PPARGC1A: variants seen among roughly 807,000 people sequenced by gnomAD.
The protein encoded by PPARGC1A is PPARG coactivator 1 alpha, also known as peroxisome proliferator-activated receptor gamma coactivator 1-alpha.
In PPARGC1A, 25 loss-of-function variants were observed where a neutral mutation model predicts 88.7. The ratio of observed to expected loss-of-function variants is 0.28; its 90% confidence interval spans 0.21 to 0.39. The LOEUF (loss-of-function observed/expected upper bound fraction) is 0.39. Among genes scored for constraint, PPARGC1A ranks in the 10% least tolerant of loss-of-function variants. The probability of loss-of-function intolerance (pLI) is 1.00; values close to 1 mark genes in which losing one functional copy is unlikely to be tolerated. For synonymous variants in PPARGC1A, 363 were observed against 355.6 expected, an observed-to-expected ratio of 1.02 and a Z score of -0.24; for missense variants, 880 against 968.7, an observed-to-expected ratio of 0.91 and a Z score of 1.22.
chr4:24,097,933 G>A, the PPARGC1A span, among the ~76,000 whole-genome samples: 1 of 152,136 alleles, frequency 6.6e-6, no homozygotes, highest in Non-Finnish European at 1.5e-5. Context: ...GTACTGACTT[G>A]TAGGCTTACC....
At chr4:24,070,712 C>A in the PPARGC1A span, among the ~76,000 whole-genome samples, 3 of 152,132 alleles carry the variant, frequency 2.0e-5, no homozygotes, top group Admixed American at 6.6e-5. Context: ...CAGCAGCCTA[C>A]CTATTTTTGC....
At chr4:24,082,116 G>A in the PPARGC1A span, among the ~76,000 whole-genome samples, 2 of 152,172 alleles carry the variant, frequency 1.3e-5, no homozygotes, top group Non-Finnish European at 2.9e-5. Context: ...GTCATCGGCA[G>A]TAATGGAGTT....
chr4:23,960,697 T>C, the PPARGC1A span, among the ~76,000 whole-genome samples: 1 of 152,222 alleles, frequency 6.6e-6, no homozygotes, highest in Non-Finnish European at 1.5e-5. Context: ...TGCAGATGGG[T>C]TAGTTTAACA....
At chr4:24,395,246 T>G in the PPARGC1A span, among the ~76,000 whole-genome samples, 3 of 152,220 alleles carry the variant, frequency 2.0e-5, no homozygotes, top group African/African-American at 7.2e-5. Context: ...TCCAAACTGA[T>G]TTTTAATGAA....
the PPARGC1A span, among the ~76,000 whole-genome samples, chr4:24,009,622 G>A: frequency 1.3e-5 from 2 of 152,178 alleles, no homozygotes; most frequent in Non-Finnish European, 2.9e-5. Flanking sequence ...AGTGAAGTGG[G>A]TAAAACACAA....
chr4:24,373,583 AAAC>A, the PPARGC1A span, among the ~76,000 whole-genome samples: 1 of 152,366 alleles, frequency 6.6e-6, no homozygotes, highest in African/African-American at 2.4e-5. Context: ...TACTATCAGA[AAAC>A]AAATTGAAAG....
chr4:24,157,325 TC>T, the PPARGC1A span, among the ~76,000 whole-genome samples: 5 of 152,184 alleles, frequency 3.3e-5, no homozygotes, highest in African/African-American at 1.2e-4. Flanking sequence ...TCTGAATCGA[TC>T]TGCAAAGCTC....
intron 2 of PPARGC1A, among the ~76,000 whole-genome samples, chr4:23,862,658 A>G (rs993790104): frequency 6.6e-6 from 1 of 152,210 alleles, no homozygotes; most frequent in Non-Finnish European, 1.5e-5. Flanking sequence ...CTGTAAAACT[A>G]TGTTTTTAAC....
At chr4:24,401,824 A>G in the PPARGC1A span, among the ~76,000 whole-genome samples, 1 of 152,244 alleles carries the variant, frequency 6.6e-6, no homozygotes, top group Non-Finnish European at 1.5e-5. Flanking sequence ...GGGTTGGTAC[A>G]TGTGAAGTGC....
the PPARGC1A span, among the ~76,000 whole-genome samples, chr4:24,177,614 TATAATTAA>T: frequency 4.7e-5 from 5 of 105,670 alleles, no homozygotes; most frequent in Admixed American, 1.2e-4. Context: ...GAACTTCAAG[TATAATTAA>T]ATAAATAAAT....
chr4:23,836,699 TG>T (rs1726083485), intron 2 of PPARGC1A, among the ~76,000 whole-genome samples: 1 of 152,222 alleles, frequency 6.6e-6, no homozygotes. Context: ...AGATAGGTTC[TG>T]GCCCTTCAGG....
At chr4:23,946,768 A>C in the PPARGC1A span, among the ~76,000 whole-genome samples, 1 of 151,814 alleles carries the variant, frequency 6.6e-6, no homozygotes, top group East Asian at 1.9e-4. Context: ...AGTAGTTTTC[A>C]GGGGCAAATA....
chr4:24,456,371 G>A, the PPARGC1A span, among the ~76,000 whole-genome samples: 1 of 152,278 alleles, frequency 6.6e-6, no homozygotes, highest in South Asian at 2.1e-4. Context: ...TCCTTACCTG[G>A]AAGGAAGCCC....
At chr4:24,071,102 A>C in the PPARGC1A span, among the ~76,000 whole-genome samples, 1 of 152,190 alleles carries the variant, frequency 6.6e-6, no homozygotes, top group Non-Finnish European at 1.5e-5. Context: ...CTAGATGTCA[A>C]ATTTATCAGC....
the PPARGC1A span, among the ~76,000 whole-genome samples, chr4:24,236,029 T>C: frequency 6.6e-6 from 1 of 152,336 alleles, no homozygotes; most frequent in East Asian, 1.9e-4. Context: ...CCCAGGGTTG[T>C]GTGTGAGCCT....
chr4:23,954,863 A>C, the PPARGC1A span, among the ~76,000 whole-genome samples: 1 of 152,048 alleles, frequency 6.6e-6, no homozygotes, highest in Non-Finnish European at 1.5e-5. Context: ...GGTACTTAAC[A>C]CCACAGCCCA....
the PPARGC1A span, among the ~76,000 whole-genome samples, chr4:24,333,459 T>C: frequency 2.0e-3 from 298 of 152,376 alleles, 2 homozygotes; most frequent in African/African-American, 6.9e-3. Context: ...AATCATTTTA[T>C]AATTCTTCAC....
chr4:24,112,144 G>A, the PPARGC1A span, among the ~76,000 whole-genome samples: 1 of 152,140 alleles, frequency 6.6e-6, no homozygotes, highest in Non-Finnish European at 1.5e-5. Flanking sequence ...AAACCTCTAA[G>A]TCAGGAATGA....
the PPARGC1A span, among the ~76,000 whole-genome samples, chr4:24,401,433 C>T: frequency 4.6e-5 from 7 of 152,144 alleles, no homozygotes; most frequent in Non-Finnish European, 1.5e-5. Context: ...CCAATGAACA[C>T]GTTTGCCCAT....
Sources: allele counts gnomAD v4.1 joint callset (sites outside exome capture counted in the v4.1 genomes callset), GRCh38; gene constraint gnomAD v4.1.1; transcripts MANE v1.5; gene names NCBI Gene and HGNC (gene_info 2026-07-23, HGNC 2026-07-21).